The following LRP1B variants were observed in gnomAD, a reference collection of about 807,000 sequenced individuals.
LRP1B encodes the protein low-density lipoprotein receptor-related protein 1B.
A neutral mutation model predicts 556.6 loss-of-function variants in LRP1B; 217 were observed. That is an observed-to-expected ratio of 0.39 (90% CI 0.35 to 0.44). LRP1B has a LOEUF of 0.44. LRP1B is among the 20% of genes least tolerant of loss of function. The probability of loss-of-function intolerance (pLI) is 1.00; values close to 1 mark genes in which losing one functional copy is unlikely to be tolerated. For synonymous variants in LRP1B, 2,047 were observed against 1,865.8 expected, an observed-to-expected ratio of 1.10 and a Z score of -2.50; for missense variants, 5,053 against 5,620.8, an observed-to-expected ratio of 0.90 and a Z score of 3.23.
At chr2:140,385,353 A>G (rs111641484) in intron 67 of LRP1B, among the ~76,000 whole-genome samples, 9 of 152,336 alleles carry the variant, frequency 5.9e-5, no homozygotes, top group East Asian at 1.9e-4. Flanking sequence ...GAGAATTATT[A>G]TTTTTAAATT....
At chr2:140,560,168 G>A (rs1482367012) in intron 43 of LRP1B, among the ~76,000 whole-genome samples, 4 of 151,858 alleles carry the variant, frequency 2.6e-5, no homozygotes, top group African/African-American at 7.3e-5. Context: ...CAAATTGAGG[G>A]ACATGCTAAA....
chr2:141,240,854 T>C (rs900196448), intron 5 of LRP1B, among the ~76,000 whole-genome samples: 27 of 152,198 alleles, frequency 1.8e-4, no homozygotes, highest in Admixed American at 1.8e-3. Flanking sequence ...ATGGAAGACA[T>C]GCTTTTTTTC....
In LRP1B at chr2:141,325,349, A is replaced by T. The variant is rs186275124; in HGVS notation, c.344-70708T>A. On this transcript the variant is annotated intron_variant, in intron 3 of 90. Transcript: ENST00000389484. ...TGCAGAAAATCAAATTATTTTTCTG[A>T]TTATTAAATGTTTCAAGAGTTAAAT... 7.9e-5 allele frequency among the ~76,000 whole-genome samples: 12 copies of T among 152,164 alleles called. No individual in the cohort carries two copies. In the East Asian group the frequency reaches 2.3e-3, roughly 29 times the overall value.
chr2:140,863,990 T>C (rs1252058597), intron 27 of LRP1B, among the ~76,000 whole-genome samples: 1 of 151,684 alleles, frequency 6.6e-6, no homozygotes, highest in Non-Finnish European at 1.5e-5. Flanking sequence ...TGTCTTCTGC[T>C]TGCAGAATGC....
At chr2:140,720,462 A>G (rs895111421) in intron 35 of LRP1B, among the ~76,000 whole-genome samples, 13 of 151,940 alleles carry the variant, frequency 8.6e-5, no homozygotes, top group Admixed American at 7.2e-4. Context: ...ATTGTGCATT[A>G]TAATTATAAT....
At chr2:140,643,405 G>A (rs1379194946) in intron 41 of LRP1B, among the ~76,000 whole-genome samples, 1 of 151,840 alleles carries the variant, frequency 6.6e-6, no homozygotes, top group Non-Finnish European at 1.5e-5. Context: ...GAAAGACATC[G>A]AAAAAAATCT....
chr2:140,753,760 T>C (rs540363898), intron 35 of LRP1B, among the ~76,000 whole-genome samples: 1 of 152,034 alleles, frequency 6.6e-6, no homozygotes, highest in East Asian at 1.9e-4. Flanking sequence ...GAAACTGGGG[T>C]CCCCTTTACC....
chr2:141,924,429 C>T (rs1700281158), intron 1 of LRP1B, among the ~76,000 whole-genome samples: 1 of 152,100 alleles, frequency 6.6e-6, no homozygotes, highest in Non-Finnish European at 1.5e-5. Context: ...CATGTGTATC[C>T]CCATTCTTCT....
intron 2 of LRP1B, among the ~76,000 whole-genome samples, chr2:141,809,178 G>C (rs933089329): frequency 6.6e-6 from 1 of 152,018 alleles, no homozygotes; most frequent in African/African-American, 2.4e-5. Flanking sequence ...ATAAAGCGAA[G>C]CAATTCCTGC....
intron 2 of LRP1B, among the ~76,000 whole-genome samples, chr2:141,756,438 T>C (rs910787055): frequency 3.3e-5 from 5 of 152,040 alleles, no homozygotes; most frequent in African/African-American, 1.2e-4. Flanking sequence ...GACTTATTAT[T>C]TGAGGGTTAA....
chr2:140,563,846 G>T (rs113415695), intron 43 of LRP1B, among the ~76,000 whole-genome samples: 5 of 152,064 alleles, frequency 3.3e-5, no homozygotes, highest in African/African-American at 1.2e-4. Flanking sequence ...ATATTTTACC[G>T]AATAGACAGA....
intron 32 of LRP1B, among the ~76,000 whole-genome samples, chr2:140,793,789 T>C (rs1690204697): frequency 2.6e-5 from 4 of 152,028 alleles, no homozygotes; most frequent in African/African-American, 9.7e-5. Flanking sequence ...GCACTTTAAA[T>C]TGGACAGGAA....
intron 2 of LRP1B, among the ~76,000 whole-genome samples, chr2:141,591,614 G>C (rs1016676041): frequency 4.0e-5 from 6 of 151,768 alleles, no homozygotes; most frequent in Admixed American, 2.0e-4. Context: ...GTGTGTCTGT[G>C]TGTCTCCATG....
intron 2 of LRP1B, among the ~76,000 whole-genome samples, chr2:141,513,901 A>G (rs976227314): frequency 6.6e-6 from 1 of 152,132 alleles, no homozygotes; most frequent in African/African-American, 2.4e-5. Flanking sequence ...AAAAATGGTC[A>G]TCAGTTGTTA....
chr2:140,639,753 TA>T (rs1329846916), intron 41 of LRP1B, among the ~76,000 whole-genome samples: 1 of 152,126 alleles, frequency 6.6e-6, no homozygotes, highest in Non-Finnish European at 1.5e-5. Context: ...TTATCTAGAA[TA>T]AAAACAAAGT....
intron 1 of LRP1B, among the ~76,000 whole-genome samples, chr2:142,047,818 T>C (rs1704313057): frequency 6.6e-6 from 1 of 151,954 alleles, no homozygotes; most frequent in African/African-American, 2.4e-5. Context: ...AATGCCAAGG[T>C]CATAGGGAAA....
chr2:141,415,304 C>A (rs1295991053), intron 3 of LRP1B, among the ~76,000 whole-genome samples: 1 of 152,186 alleles, frequency 6.6e-6, no homozygotes, highest in Non-Finnish European at 1.5e-5. Context: ...TGAGCCACCA[C>A]GCCCGGCCTC....
intron 7 of LRP1B, among the ~76,000 whole-genome samples, chr2:141,183,984 G>C (rs1320394725): frequency 6.6e-6 from 1 of 151,986 alleles, no homozygotes; most frequent in African/African-American, 2.4e-5. Flanking sequence ...TCTGTCTCAA[G>C]TATAGTGTGA....
intron 59 of LRP1B, among the ~76,000 whole-genome samples, chr2:140,478,236 G>A (rs796215142): frequency 1.8e-4 from 25 of 138,240 alleles, no homozygotes; most frequent in East Asian, 9.4e-4. Context: ...TGCAGCCTCC[G>A]CCTCCCGGGT....
Sources: gnomAD v4.1 joint callset for allele counts (sites outside exome capture counted in the v4.1 genomes callset) on GRCh38, gnomAD v4.1.1 for gene constraint, MANE v1.5 for transcripts, NCBI Gene and HGNC (gene_info 2026-07-23, HGNC 2026-07-21) for gene names.